Variants in RBBP8 observed in about 807,000 individuals in gnomAD.
RBBP8 encodes RB binding protein 8, endonuclease.
Under a neutral mutation model 108.3 loss-of-function variants are expected in RBBP8, and 88 were observed. The observed-to-expected ratio is 0.81, with a 90% CI of 0.68 to 0.97. The LOEUF (loss-of-function observed/expected upper bound fraction) is 0.97, where lower values mean the gene tolerates loss of function less well. Ranked by LOEUF, RBBP8 falls within the 50% of genes least tolerant of loss-of-function variation. The pLI, the probability that RBBP8 is intolerant of heterozygous loss-of-function variation, is 0.00. For missense variants in RBBP8, 1,023 were observed against 1,049.0 expected (o/e 0.98, Z 0.34); for synonymous variants, 332 against 348.2 (o/e 0.95, Z 0.52).
chr18:22,987,332 A>G (rs867319261), intron 8 of RBBP8, among the ~76,000 whole-genome samples: 3 of 152,162 alleles, frequency 2.0e-5, no homozygotes, highest in Non-Finnish European at 4.4e-5. Context: ...TGAAGAGAGG[A>G]GAATGCATTC....
intron 3 of RBBP8, among the ~76,000 whole-genome samples, chr18:22,919,284 T>G (rs900280564): frequency 1.3e-5 from 2 of 152,096 alleles, no homozygotes; most frequent in Non-Finnish European, 2.9e-5. Flanking sequence ...AATGAATGAA[T>G]AAAGAGCAAA....
intron 18 of RBBP8, among the ~76,000 whole-genome samples, chr18:23,023,561 T>A (rs2046406902): frequency 6.6e-6 from 1 of 152,244 alleles, no homozygotes; most frequent in Admixed American, 6.5e-5. Flanking sequence ...AAAATTAAGT[T>A]AGTTGGGTAT....
At chr18:22,955,406 C>T (rs1029239977) in intron 4 of RBBP8, among the ~76,000 whole-genome samples, 5 of 151,958 alleles carry the variant, frequency 3.3e-5, no homozygotes, top group Non-Finnish European at 7.4e-5. Flanking sequence ...TTTTTAAATA[C>T]AGTAGTTAGT....
At chr18:22,986,278 A>C (rs1915321152) in intron 8 of RBBP8, among the ~76,000 whole-genome samples, 1 of 152,324 alleles carries the variant, frequency 6.6e-6, no homozygotes, top group Non-Finnish European at 1.5e-5. Flanking sequence ...GAGGTGATCA[A>C]CTGTGTTTAA....
chr18:22,999,598 ATGT>A (rs565526631), intron 14 of RBBP8, among the ~76,000 whole-genome samples: 140 of 152,158 alleles, frequency 9.2e-4, no homozygotes, highest in African/African-American at 3.3e-3. Flanking sequence ...TGTTGACATC[ATGT>A]TGTAAGAACC....
chr18:22,978,057 C>T (rs976233312), intron 6 of RBBP8, among the ~76,000 whole-genome samples: 9 of 152,160 alleles, frequency 5.9e-5, no homozygotes, highest in Admixed American at 2.6e-4. Context: ...AGTACTGCCA[C>T]CTCCCCTACA....
At chr18:22,956,369 C>T (rs1289230601) in intron 4 of RBBP8, among the ~76,000 whole-genome samples, 6 of 152,062 alleles carry the variant, frequency 3.9e-5, no homozygotes, top group African/African-American at 7.3e-5. Flanking sequence ...GGGTCTTACT[C>T]TGTTGCCCAG....
chr18:22,933,832 G>T (rs1910244681), intron 1 of RBBP8: 1 of 152,232 alleles, frequency 6.6e-6, no homozygotes, highest in African/African-American at 2.4e-5. Flanking sequence ...CGCATGCGCC[G>T]ACTGCGGCTC....
At chr18:22,925,791 C>T (rs1302859811) in intron 3 of RBBP8, among the ~76,000 whole-genome samples, 1 of 152,190 alleles carries the variant, frequency 6.6e-6, no homozygotes, top group Admixed American at 6.5e-5. Context: ...AAATATTACT[C>T]CCACAGCTTG....
intron 3 of RBBP8, among the ~76,000 whole-genome samples, chr18:22,948,528 G>A (rs1465354838): frequency 2.6e-5 from 4 of 151,964 alleles, no homozygotes; most frequent in African/African-American, 4.8e-5. Flanking sequence ...TTGCTCTTAC[G>A]TGTATTGGTT....
At position 23,003,547 on chromosome 18, in the gene RBBP8, G is replaced by A. The variant is rs2045983078; in HGVS notation, c.2287+1818G>A. On this transcript the variant is annotated intron_variant, in intron 15 of 18. Transcript: ENST00000327155. ...CTCTCTCGTTACACATTGTATGTCT[G>A]GAACTTAGCACAATGCTCAGTAAAT... Among the ~76,000 whole-genome samples, 4 of 152,110 alleles carry A rather than the reference G, an allele frequency of 2.6e-5. No individual in the cohort carries two copies. The South Asian group carries it at 8.3e-4, about 31-fold the overall frequency.
chr18:22,966,634 T>C (rs1041792735), intron 4 of RBBP8, among the ~76,000 whole-genome samples: 1 of 151,808 alleles, frequency 6.6e-6, no homozygotes, highest in African/African-American at 2.4e-5. Context: ...TTGTATACTT[T>C]TCATGTTTTA....
intron 12 of RBBP8, among the ~76,000 whole-genome samples, chr18:22,994,439 G>A (rs1299009088): frequency 6.8e-6 from 1 of 148,142 alleles, no homozygotes. Context: ...TCAGGAGATC[G>A]AGACCATCCT....
intron 17 of RBBP8, among the ~76,000 whole-genome samples, chr18:23,018,706 G>GT (rs1265919498): frequency 6.6e-6 from 1 of 152,138 alleles, no homozygotes; most frequent in Non-Finnish European, 1.5e-5. Flanking sequence ...ACAGATGAAG[G>GT]TTTTTTTCCT....
intron 8 of RBBP8, among the ~76,000 whole-genome samples, chr18:22,986,531 A>G (rs1004324636): frequency 2.0e-5 from 3 of 152,204 alleles, no homozygotes; most frequent in Admixed American, 2.0e-4. Flanking sequence ...GACAGTGGCT[A>G]AAGAAGAACA....
At chr18:22,960,453 G>A (rs1435956098) in intron 4 of RBBP8, among the ~76,000 whole-genome samples, 1 of 152,152 alleles carries the variant, frequency 6.6e-6, no homozygotes, top group East Asian at 1.9e-4. Flanking sequence ...TGCTGAGGTG[G>A]GAGGATCACT....
intron 13 of RBBP8, 70 bp downstream of exon 13, chr18:22,996,532 G>T: frequency 6.3e-7 from 1 of 1,577,746 alleles, no homozygotes. Flanking sequence ...ACCTCCTCTC[G>T]TGACTCACTG....
intron 4 of RBBP8, among the ~76,000 whole-genome samples, chr18:22,961,211 C>G (rs1231503540): frequency 6.6e-6 from 1 of 152,194 alleles, no homozygotes; most frequent in Admixed American, 6.5e-5. Context: ...GCTGGGAGAT[C>G]AGCATCAATA....
At chr18:22,966,057 C>G (rs547605250) in intron 4 of RBBP8, among the ~76,000 whole-genome samples, 2 of 152,204 alleles carry the variant, frequency 1.3e-5, no homozygotes, top group East Asian at 3.8e-4. Context: ...TTAGCATTCT[C>G]AGGTCACTTT....
Sources: allele counts gnomAD v4.1 joint callset (sites outside exome capture counted in the v4.1 genomes callset), GRCh38; gene constraint gnomAD v4.1.1; transcripts MANE v1.5; gene names NCBI Gene and HGNC (gene_info 2026-07-23, HGNC 2026-07-21).